The following HS3ST1 variants were observed in gnomAD, a reference collection of about 807,000 sequenced individuals.
The protein encoded by HS3ST1 is heparan sulfate glucosamine 3-O-sulfotransferase 1.
In HS3ST1, 8 loss-of-function variants were observed where a neutral mutation model predicts 20.7. The ratio of observed to expected loss-of-function variants is 0.39; its 90% CI spans 0.23 to 0.70. The LOEUF is 0.70. Ranked by LOEUF, HS3ST1 falls within the 30% of genes least tolerant of loss-of-function variation. HS3ST1 has a pLI of 0.46. For missense variants in HS3ST1, 436 were observed against 423.4 expected (o/e 1.03, Z -0.26); for synonymous variants, 205 against 190.4 (o/e 1.08, Z -0.63).
upstream of HS3ST1, chr4:11,429,162 C>G (rs1391606427): frequency 6.6e-6 from 1 of 152,382 alleles, no homozygotes; most frequent in East Asian, 1.9e-4. Context: ...GGGTAGTAGT[C>G]GGTCCCGCCC....
chr4:11,424,349 C>G (rs1278368386), intron 1 of HS3ST1, among the ~76,000 whole-genome samples: 1 of 152,208 alleles, frequency 6.6e-6, no homozygotes, highest in South Asian at 2.1e-4. Flanking sequence ...TGTAGTAGCA[C>G]ATAACTATTG....
intron 1 of HS3ST1, among the ~76,000 whole-genome samples, chr4:11,410,628 T>C (rs895417650): frequency 1.6e-4 from 24 of 152,092 alleles, no homozygotes; most frequent in South Asian, 8.3e-4. Flanking sequence ...AGCGGTGGCT[T>C]ATGCCTGTAA....
At position 11,416,683 on chromosome 4, in the gene HS3ST1, G is replaced by T. The variant is rs190705068; in HGVS notation, c.-109+12016C>A. 3.3e-5 allele frequency among the ~76,000 whole-genome samples: 5 copies of T among 152,284 alleles called. No homozygotes were observed. In the East Asian group the frequency reaches 5.8e-4, roughly 18 times the overall value. ...CCAGTCACCAGGCTGGTGGGGAGGAGATCTGACACAAAGCATGGGCTGGCT... is the reference window on the plus strand; with the variant it reads ...CCAGTCACCAGGCTGGTGGGGAGGATATCTGACACAAAGCATGGGCTGGCT... On this transcript the variant is annotated intron_variant, in intron 1 of 1. Transcript: ENST00000002596.
chr4:11,405,561 T>C (rs928255969), intron 1 of HS3ST1, among the ~76,000 whole-genome samples: 12 of 152,188 alleles, frequency 7.9e-5, no homozygotes, highest in Admixed American at 5.2e-4. Context: ...TTTTGTTTGC[T>C]GAATGAACTT....
At chr4:11,411,519 C>G (rs979578813) in intron 1 of HS3ST1, among the ~76,000 whole-genome samples, 3 of 152,152 alleles carry the variant, frequency 2.0e-5, no homozygotes, top group Admixed American at 6.6e-5. Flanking sequence ...ACAGGAGGTG[C>G]TGTTTAATCA....
chr4:11,409,939 C>G (rs982314165), intron 1 of HS3ST1, among the ~76,000 whole-genome samples: 1 of 152,180 alleles, frequency 6.6e-6, no homozygotes, highest in Non-Finnish European at 1.5e-5. Context: ...CCAGAGTGGT[C>G]TGATCTTCAC....
At chr4:11,411,312 A>G (rs1193736513) in intron 1 of HS3ST1, among the ~76,000 whole-genome samples, 3 of 152,220 alleles carry the variant, frequency 2.0e-5, no homozygotes, top group Non-Finnish European at 4.4e-5. Flanking sequence ...ACTTCATATG[A>G]TAGCACTAAA....
At chr4:11,420,239 C>A (rs1340427481) in intron 1 of HS3ST1, among the ~76,000 whole-genome samples, 1 of 152,214 alleles carries the variant, frequency 6.6e-6, no homozygotes, top group African/African-American at 2.4e-5. Context: ...AGACCACACG[C>A]AACAAAACTG....
At chr4:11,431,185 C>A (rs560637733), upstream of HS3ST1, among the ~76,000 whole-genome samples, 18 of 150,922 alleles carry the variant, frequency 1.2e-4, no homozygotes, top group African/African-American at 4.4e-4. Context: ...GTATCTGAAT[C>A]CCAGAATCCT....
intron 1 of HS3ST1, among the ~76,000 whole-genome samples, chr4:11,405,152 A>C (rs1208969261): frequency 6.6e-6 from 1 of 152,242 alleles, no homozygotes; most frequent in Non-Finnish European, 1.5e-5. Context: ...GAAGGCCCAG[A>C]CTTGCTAAGA....
At chr4:11,414,481 A>G (rs1718720699) in intron 1 of HS3ST1, among the ~76,000 whole-genome samples, 1 of 152,164 alleles carries the variant, frequency 6.6e-6, no homozygotes, top group African/African-American at 2.4e-5. Flanking sequence ...CATAAAGATG[A>G]GTTTTCAGAG....
intron 1 of HS3ST1, among the ~76,000 whole-genome samples, chr4:11,423,833 C>A (rs1389643799): frequency 6.6e-6 from 1 of 152,136 alleles, no homozygotes; most frequent in Non-Finnish European, 1.5e-5. Context: ...GAACAACATG[C>A]CCTCCTGAAT....
chr4:11,431,201 C>A (rs962781941), upstream of HS3ST1, among the ~76,000 whole-genome samples: 1 of 149,288 alleles, frequency 6.7e-6, no homozygotes, highest in Non-Finnish European at 1.5e-5. Flanking sequence ...ATCCTACAAT[C>A]CTGCATGGTA....
intron 1 of HS3ST1, among the ~76,000 whole-genome samples, chr4:11,405,301 A>C (rs2108882371): frequency 6.6e-6 from 1 of 152,286 alleles, no homozygotes; most frequent in South Asian, 2.1e-4. Context: ...TGAATTGAAA[A>C]GATTAAGGTC....
intron 1 of HS3ST1, among the ~76,000 whole-genome samples, chr4:11,415,732 C>T (rs1258374966): frequency 1.3e-5 from 2 of 152,116 alleles, no homozygotes; most frequent in African/African-American, 4.8e-5. Flanking sequence ...TTTTAAAGGA[C>T]AACTTATCAT....
chr4:11,423,913 A>G (rs1463675140), intron 1 of HS3ST1, among the ~76,000 whole-genome samples: 1 of 152,148 alleles, frequency 6.6e-6, no homozygotes, highest in Admixed American at 6.5e-5. Flanking sequence ...TGTGACAGAT[A>G]TAAGGCTTAC....
chr4:11,424,337 C>G (rs1577449453), intron 1 of HS3ST1, among the ~76,000 whole-genome samples: 1 of 152,190 alleles, frequency 6.6e-6, no homozygotes, highest in South Asian at 2.1e-4. Flanking sequence ...TTCTAGACCT[C>G]TTGTAGTAGC....
At position 11,395,473 on chromosome 4, in the gene HS3ST1, C is replaced by CTTTTTTTTTTTTTTTTTTTTTTTATTTT. The variant is rs34905764; in HGVS notation, c.*3608_*3609insAAAATAAAAAAAAAAAAAAAAAAAAAAA. ...TTTTATTTTTTTATTATTAATTTAT[C>CTTTTTTTTTTTTTTTTTTTTTTTATTTT]TTTTTTTTTTTTTTTTTTTTTTGAG... On this transcript the variant is annotated 3_prime_UTR_variant, in exon 2 of 2. Transcript: ENST00000002596. 1 of 76,114 alleles carries CTTTTTTTTTTTTTTTTTTTTTTTATTTT rather than the reference C, an allele frequency of 1.3e-5. No individual in the cohort carries two copies. The highest frequency in any genetic ancestry group is 5.6e-5 in the African/African-American group (1 of 18,014). The allele number at this position is 76,114 out of a possible 1,614,324, so 4.7% of individuals were successfully genotyped here. A position where few individuals can be genotyped will look rare whatever the true frequency, so the allele number is the denominator to read the frequency against.
chr4:11,429,231 G>C (rs555744510), upstream of HS3ST1: 1 of 152,714 alleles, frequency 6.5e-6, no homozygotes, highest in East Asian at 1.9e-4. Flanking sequence ...GCTCCAAGAA[G>C]GTGAGGCTGC....
Sources: gnomAD v4.1 joint callset for allele counts (sites outside exome capture counted in the v4.1 genomes callset) on GRCh38, gnomAD v4.1.1 for gene constraint, MANE v1.5 for transcripts, NCBI Gene and HGNC (gene_info 2026-07-23, HGNC 2026-07-21) for gene names.